BLOC1S6: variants seen among roughly 807,000 people sequenced by gnomAD.
BLOC1S6 encodes the protein biogenesis of lysosome-related organelles complex 1 subunit 6.
A neutral mutation model predicts 24.7 loss-of-function variants in BLOC1S6; 24 were observed. The observed-to-expected ratio is 0.97, with a 90% confidence interval of 0.70 to 1.37. The LOEUF is 1.37. Ranked by LOEUF, BLOC1S6 falls within the 40% of genes most tolerant of loss-of-function variation. The pLI, the probability that BLOC1S6 is intolerant of heterozygous loss-of-function variation, is 0.00. For missense variants in BLOC1S6, 175 were observed against 196.2 expected (o/e 0.89, Z 0.64); for synonymous variants, 76 against 72.6 (o/e 1.05, Z -0.23).
chr15:45,591,614 A>G (rs1338861910), intron 1 of BLOC1S6, among the ~76,000 whole-genome samples: 1 of 151,952 alleles, frequency 6.6e-6, no homozygotes, highest in Non-Finnish European at 1.5e-5. Context: ...GGCTTGAGCA[A>G]TTCTCCCACC....
chr15:45,606,630 T>C lies in BLOC1S6; in HGVS notation c.*116T>C, dbSNP rs1312778311. ...ATTATGTCATATGTTGAAATCCTTA[T>C]TCCGGTATTACTGTGTCTCCATGCC... On this transcript the variant is annotated 3_prime_UTR_variant, in exon 5 of 5. Transcript: ENST00000220531. 7.6e-6 allele frequency: 11 copies of C among 1,442,690 alleles called. No individual in the cohort carries two copies. Among genetic ancestry groups the C allele is most frequent in the Non-Finnish European group, 9.7e-6 (10 of 1,029,108 alleles). 89.4% of individuals were successfully genotyped at this position (1,442,690 alleles called of 1,614,324 possible).
intron 2 of BLOC1S6, among the ~76,000 whole-genome samples, chr15:45,595,203 A>G (rs8026780): frequency 4.9e-4 from 75 of 152,154 alleles, no homozygotes; most frequent in African/African-American, 1.7e-3. Flanking sequence ...CTTTTAATCT[A>G]TGTACTTGGA....
upstream of BLOC1S6, chr15:45,587,280 A>G: frequency 1.4e-6 from 1 of 709,032 alleles, no homozygotes; most frequent in Middle Eastern, 3.1e-4. Flanking sequence ...CATGGGGCAG[A>G]GCCAACTCTC....
upstream of BLOC1S6, chr15:45,587,376 G>A (rs981758172): frequency 6.9e-7 from 1 of 1,448,842 alleles, no homozygotes; most frequent in South Asian, 1.2e-5. Context: ...CGCTGGAGTC[G>A]TTAGGTGCCG....
intron 4 of BLOC1S6, among the ~76,000 whole-genome samples, chr15:45,606,047 C>T (rs1024481874): frequency 6.6e-6 from 1 of 152,152 alleles, no homozygotes; most frequent in Non-Finnish European, 1.5e-5. Flanking sequence ...CTCAAGCAGC[C>T]CTCTGGCCTC....
intron 1 of BLOC1S6, among the ~76,000 whole-genome samples, chr15:45,590,752 G>A (rs1595551937): frequency 6.6e-6 from 1 of 152,212 alleles, no homozygotes; most frequent in East Asian, 1.9e-4. Context: ...GGCACAAATT[G>A]TACTTAGAAA....
intron 2 of BLOC1S6, among the ~76,000 whole-genome samples, chr15:45,602,838 C>T (rs980462163): frequency 2.6e-5 from 4 of 151,998 alleles, no homozygotes; most frequent in African/African-American, 9.7e-5. Context: ...TTAAAAGTAA[C>T]AAGTAATAAA....
In BLOC1S6 at chr15:45,606,390, C is replaced by T. The variant is rs908732356; in HGVS notation, c.400-5C>T. The stretch of plus-strand genomic sequence containing the variant: ...CTTGGTTTTTAAATTTTTTTTTTAA[C>T]ACAGAAAAGAGCACTTAAACTGCAG... On this transcript the variant is annotated splice_region_variant and splice_polypyrimidine_tract_variant and intron_variant, in intron 4 of 4. Transcript: ENST00000220531. 6.2e-7 allele frequency: 1 copy of T among 1,613,046 alleles called. No homozygotes were observed. The highest frequency in any genetic ancestry group is 1.3e-5 in the African/African-American group (1 of 74,862).
Position 45,607,961 on chromosome 15 carries a change from A to G in BLOC1S6, c.*1447A>G. On this transcript the variant is annotated 3_prime_UTR_variant, in exon 5 of 5. Transcript: ENST00000220531. ...GAATTTATTGTTTGAGGGAAATACG[A>G]GGTTTCATTGTTTAAAATCAAGAGT... 1 of 152,500 alleles carries G rather than the reference A, an allele frequency of 6.6e-6. No homozygotes were observed. The allele number at this position is 152,500 out of a possible 1,614,324, so 9.4% of individuals were successfully genotyped here.
chr15:45,597,789 C>A, intron 2 of BLOC1S6: 1 of 209,022 alleles, frequency 4.8e-6, no homozygotes, highest in South Asian at 5.1e-5. Flanking sequence ...GGAATTTCCA[C>A]ATAGGAAATC....
Position 45,609,000 on chromosome 15 carries a change from A to C in BLOC1S6, c.*2486A>C, listed in dbSNP as rs1464777394. ...ACAAATCAAATTTATTGAACAAATG[A>C]CAAGGCACAAATACTTTCAGAATTG... On this transcript the variant is annotated 3_prime_UTR_variant, in exon 5 of 5. Transcript: ENST00000220531. 6.6e-6 allele frequency: 1 copy of C among 152,240 alleles called. No homozygotes were observed. The highest frequency in any genetic ancestry group is 1.5e-5 in the Non-Finnish European group (1 of 68,046). 9.4% of individuals were successfully genotyped at this position (152,240 alleles called of 1,614,324 possible).
At chr15:45,597,786 C>T (rs1316135370) in intron 2 of BLOC1S6, 1 of 208,444 alleles carries the variant, frequency 4.8e-6, no homozygotes, top group African/African-American at 2.4e-5. Flanking sequence ...TTGGGAATTT[C>T]CACATAGGAA....
chr15:45,596,257 G>A (rs1438742402), intron 2 of BLOC1S6, among the ~76,000 whole-genome samples: 2 of 152,158 alleles, frequency 1.3e-5, no homozygotes, highest in African/African-American at 4.8e-5. Context: ...GAGTGCAGTG[G>A]CGCAGCCTTA....
At chr15:45,587,783 A>G (rs886891264) in intron 1 of BLOC1S6, 1 of 702,476 alleles carries the variant, frequency 1.4e-6, no homozygotes, top group Non-Finnish European at 2.6e-6. Context: ...TTCTGAGTTT[A>G]TGTGTTGACT....
chr15:45,597,314 A>G (rs1894114453), intron 2 of BLOC1S6, among the ~76,000 whole-genome samples: 1 of 152,038 alleles, frequency 6.6e-6, no homozygotes, highest in Non-Finnish European at 1.5e-5. Flanking sequence ...CTGTCTCTAC[A>G]AAAAAATTTA....
intron 2 of BLOC1S6, among the ~76,000 whole-genome samples, chr15:45,601,790 G>A (rs1416533230): frequency 2.6e-5 from 4 of 152,010 alleles, no homozygotes; most frequent in African/African-American, 9.7e-5. Context: ...ATCTCAGATG[G>A]TTGACTTGCT....
chr15:45,587,380 G>T lies in BLOC1S6; in HGVS notation c.-64G>T. 1 of 1,460,888 alleles carries T rather than the reference G, an allele frequency of 6.8e-7. No homozygotes were observed. Among genetic ancestry groups the T allele is most frequent in the East Asian group, 2.5e-5 (1 of 40,524 alleles). 90.5% of individuals were successfully genotyped at this position (1,460,888 alleles called of 1,614,324 possible). A position where few individuals can be genotyped will look rare whatever the true frequency, so the allele number is the denominator to read the frequency against. On this transcript the variant is annotated 5_prime_UTR_variant, in exon 1 of 5. It adds an upstream start codon to the 5' untranslated region. Coordinates refer to ENST00000220531, the MANE Select transcript of BLOC1S6 (RefSeq NM_012388.4). ...GTCCGGCCAGCCGCTGGAGTCGTTA[G>T]GTGCCGCCTTGCTTCTGACGAGCCA...
intron 2 of BLOC1S6, 85 bp from the exon 3 acceptor site, chr15:45,603,015 A>G (rs762503760): frequency 5.8e-6 from 5 of 859,476 alleles, no homozygotes; most frequent in African/African-American, 1.7e-5. Flanking sequence ...AACTGTTACC[A>G]TTAACCAAGA....
intron 2 of BLOC1S6, among the ~76,000 whole-genome samples, chr15:45,596,249 G>C (rs999885873): frequency 1.3e-5 from 2 of 151,904 alleles, no homozygotes; most frequent in African/African-American, 4.8e-5. Context: ...CCAGGCTGGA[G>C]TGCAGTGGCG....
Sources: gnomAD v4.1 joint callset for allele counts (sites outside exome capture counted in the v4.1 genomes callset) on GRCh38, gnomAD v4.1.1 for gene constraint, MANE v1.5 for transcripts, NCBI Gene and HGNC (gene_info 2026-07-23, HGNC 2026-07-21) for gene names.